The following SRRM4 variants were observed in gnomAD, a reference collection of about 807,000 sequenced individuals.
SRRM4 encodes serine/arginine repetitive matrix 4.
In SRRM4, 33 loss-of-function variants were observed where a neutral mutation model predicts 68.9. That is an observed-to-expected ratio of 0.48 (90% confidence interval 0.36 to 0.64). The LOEUF is 0.64. SRRM4 is among the 30% of genes least tolerant of loss of function. SRRM4 has a pLI of 0.00. For missense variants in SRRM4, 817 were observed against 827.1 expected, an observed-to-expected ratio of 0.99 and a Z score of 0.15; for synonymous variants, 318 against 318.8, an observed-to-expected ratio of 1.00 and a Z score of 0.03.
At position 119,158,791 on chromosome 12, in the gene SRRM4, G is replaced by C. The variant is rs190055162; in HGVS notation, c.*1993G>C. 4 of 152,796 alleles carry C rather than the reference G, an allele frequency of 2.6e-5. No individual in the cohort carries two copies. The East Asian group carries it at 7.7e-4, about 29-fold the overall frequency. 9.5% of individuals were successfully genotyped at this position (152,796 alleles called of 1,614,324 possible). The stretch of plus-strand genomic sequence containing the variant: ...CCTTCTTAGCAGGACAGCTGTGAGA[G>C]GCATCAGAACCTCACGTTCGGACTG... On this transcript the variant is annotated 3_prime_UTR_variant, in exon 13 of 13. Transcript: ENST00000267260.
intron 1 of SRRM4, among the ~76,000 whole-genome samples, chr12:119,021,570 T>C (rs955621419): frequency 3.2e-4 from 48 of 152,216 alleles, no homozygotes; most frequent in African/African-American, 1.1e-3. Context: ...TATTGCCAGA[T>C]GTGCATTTTG....
chr12:119,109,372 C>G (rs1344646487), intron 2 of SRRM4, among the ~76,000 whole-genome samples: 1 of 152,066 alleles, frequency 6.6e-6, no homozygotes, highest in African/African-American at 2.4e-5. Flanking sequence ...TGGCCTGCCC[C>G]GCTAGGTTGG....
Position 119,145,541 on chromosome 12 carries a change from G to A in SRRM4, c.932G>A (p.Ser311Asn), listed in dbSNP as rs1372312362. 6.2e-7 allele frequency: 1 copy of A among 1,607,424 alleles called. No individual in the cohort carries two copies. The highest frequency in any genetic ancestry group is 1.3e-5 in the African/African-American group (1 of 74,726). ...SARSRGQEKG[S>N]PSGGLSKSRE... ...AGGTCTCGGGGCCAGGAGAAGGGGA[G>A]CCCCAGTGGGGGCTTGAGCAAGAGC... Residue 311 changes from serine (S) to asparagine (N), a missense_variant, in exon 9 of 13, where the codon AGC becomes AAC. Ser to Asn is a conservative substitution (Grantham distance 46, BLOSUM62 1). Coordinates refer to ENST00000267260, the MANE Select transcript of SRRM4 (RefSeq NM_194286.4).
chr12:119,016,756 C>T (rs368635272), intron 1 of SRRM4, among the ~76,000 whole-genome samples: 1 of 152,120 alleles, frequency 6.6e-6, no homozygotes, highest in East Asian at 1.9e-4. Context: ...TTTTGAGGGG[C>T]TTATTGGTAG....
intron 1 of SRRM4, among the ~76,000 whole-genome samples, chr12:118,996,470 T>A (rs371216316): frequency 3.3e-5 from 5 of 152,352 alleles, no homozygotes; most frequent in South Asian, 4.1e-4. Context: ...GGAGACATGT[T>A]TATGAATAAC....
chr12:119,081,688 G>A (rs1239449565), intron 1 of SRRM4, among the ~76,000 whole-genome samples: 1 of 152,252 alleles, frequency 6.6e-6, no homozygotes, highest in African/African-American at 2.4e-5. Flanking sequence ...AAGAAGCAGG[G>A]AGACCCATTA....
At chr12:119,141,108 A>C (rs1445772263) in intron 8 of SRRM4, among the ~76,000 whole-genome samples, 1 of 152,066 alleles carries the variant, frequency 6.6e-6, no homozygotes, top group Non-Finnish European at 1.5e-5. Context: ...CACCCGGCTA[A>C]TTTTTGTAGT....
At chr12:119,099,584 A>G (rs1026273456) in intron 1 of SRRM4, among the ~76,000 whole-genome samples, 3 of 152,242 alleles carry the variant, frequency 2.0e-5, no homozygotes, top group Non-Finnish European at 2.9e-5. Flanking sequence ...AACAACAAAC[A>G]GTTATTATGG....
intron 1 of SRRM4, among the ~76,000 whole-genome samples, chr12:119,067,416 A>G (rs369342421): frequency 2.0e-5 from 3 of 152,188 alleles, no homozygotes; most frequent in Non-Finnish European, 2.9e-5. Flanking sequence ...CTAAAAGTCA[A>G]TAAGCCTTGG....
chr12:118,989,369 G>A (rs1394245776), intron 1 of SRRM4, among the ~76,000 whole-genome samples: 1 of 152,130 alleles, frequency 6.6e-6, no homozygotes, highest in Admixed American at 6.5e-5. Flanking sequence ...CTTCCAAATA[G>A]CAGTGATAGA....
Position 119,145,381 on chromosome 12 carries a change from A to G in SRRM4, c.772A>G (p.Ile258Val), listed in dbSNP as rs1459033764. The G allele has an allele frequency of 6.2e-7, 1 of 1,600,250 alleles. No homozygotes were observed. The highest frequency in any genetic ancestry group is 8.5e-7 in the Non-Finnish European group (1 of 1,173,132). ...MLGYLSARGV[I>V]TGSGSAADLF... ...GTCCAACGGGTCTTTTTGCTTTCAGATCACTGGGTCGGGGTCTGCTGCTGA... is the reference window on the plus strand; with the variant it reads ...GTCCAACGGGTCTTTTTGCTTTCAGGTCACTGGGTCGGGGTCTGCTGCTGA... The change falls in exon 9 of 13, where the codon ATC becomes GTC. Residue 258 changes from isoleucine to valine, a missense_variant and splice_region_variant. Transcript: ENST00000267260.
intron 1 of SRRM4, among the ~76,000 whole-genome samples, chr12:119,101,789 C>T (rs187063356): frequency 7.2e-5 from 11 of 152,162 alleles, no homozygotes; most frequent in African/African-American, 2.6e-4. Flanking sequence ...GCTTTGGCCT[C>T]CCATTATGTC....
chr12:119,131,883 A>T (rs1954300489), intron 8 of SRRM4, among the ~76,000 whole-genome samples: 1 of 152,190 alleles, frequency 6.6e-6, no homozygotes, highest in African/African-American at 2.4e-5. Context: ...GAACTTGAAA[A>T]TTTCAGGTAG....
At chr12:118,990,335 C>T (rs1953308600) in intron 1 of SRRM4, among the ~76,000 whole-genome samples, 1 of 152,158 alleles carries the variant, frequency 6.6e-6, no homozygotes, top group African/African-American at 2.4e-5. Flanking sequence ...GAAACCTTTG[C>T]GTCCGGAGGT....
At chr12:119,104,794 C>T (rs952252278) in intron 2 of SRRM4, among the ~76,000 whole-genome samples, 1 of 152,012 alleles carries the variant, frequency 6.6e-6, no homozygotes, top group African/African-American at 2.4e-5. Context: ...GTTGGAACCA[C>T]TGCATACTTA....
chr12:118,988,075 A>T (rs1460967175), intron 1 of SRRM4, among the ~76,000 whole-genome samples: 1 of 152,106 alleles, frequency 6.6e-6, no homozygotes, highest in African/African-American at 2.4e-5. Context: ...ACTGTAAAAC[A>T]TATTATTGTC....
intron 1 of SRRM4, among the ~76,000 whole-genome samples, chr12:119,056,315 G>A (rs1820033757): frequency 6.6e-6 from 1 of 152,194 alleles, no homozygotes; most frequent in South Asian, 2.1e-4. Flanking sequence ...CAGCTACAAG[G>A]AGATGTCACC....
intron 2 of SRRM4, 164 bp from the exon 3 acceptor site, chr12:119,114,114 A>T: frequency 1.8e-6 from 1 of 542,326 alleles, no homozygotes; most frequent in East Asian, 3.0e-5. Context: ...TTATTTAGGT[A>T]CTTAGTCTGA....
chr12:119,048,956 G>A (rs1409796536), intron 1 of SRRM4, among the ~76,000 whole-genome samples: 1 of 152,140 alleles, frequency 6.6e-6, no homozygotes. Context: ...GCATCAAGAA[G>A]TTGTGAGGAC....
Sources: gnomAD v4.1 joint callset for allele counts (sites outside exome capture counted in the v4.1 genomes callset) on GRCh38, gnomAD v4.1.1 for gene constraint, MANE v1.5 for transcripts, NCBI Gene and HGNC (gene_info 2026-07-23, HGNC 2026-07-21) for gene names.